Variants in TFRC observed in about 807,000 individuals in gnomAD.
The protein encoded by TFRC is transferrin receptor protein 1.
A neutral mutation model predicts 85.8 loss-of-function variants in TFRC; 35 were observed. The observed-to-expected ratio is 0.41, with a 90% confidence interval of 0.31 to 0.54. The LOEUF (loss-of-function observed/expected upper bound fraction) is 0.54, where lower values mean the gene tolerates loss of function less well. Among genes scored for constraint, TFRC ranks in the 20% least tolerant of loss-of-function variants. The pLI, the probability that TFRC is intolerant of heterozygous loss-of-function variation, is 0.31. For synonymous variants in TFRC, 362 were observed against 328.6 expected (o/e 1.10, Z -1.10); for missense variants, 828 against 921.5 (o/e 0.90, Z 1.31).
At chr3:196,071,271 G>C (rs1359061308) in intron 6 of TFRC, 125 bp downstream of exon 6, 21 of 904,778 alleles carry the variant, frequency 2.3e-5, no homozygotes, top group Non-Finnish European at 1.4e-5. Flanking sequence ...TTAGAGGGTT[G>C]AAAACCAAAA....
intron 11 of TFRC, 68 bp downstream of exon 11, chr3:196,064,241 G>A (rs1577232395): frequency 6.8e-7 from 1 of 1,464,344 alleles, no homozygotes. Flanking sequence ...AGTGAGCAAA[G>A]CACAGTATAA....
chr3:196,063,821 G>A (rs746862675), intron 11 of TFRC, among the ~76,000 whole-genome samples: 8 of 152,172 alleles, frequency 5.3e-5, no homozygotes, highest in Non-Finnish European at 1.0e-4. Context: ...GGAGGCTGAG[G>A]CAGGAGAATT....
chr3:196,051,208 G>A lies in TFRC; in HGVS notation c.*734C>T. 2 of 217,298 alleles carry A rather than the reference G, an allele frequency of 9.2e-6. No homozygotes were observed. The highest frequency in any genetic ancestry group is 1.4e-4 in the East Asian group (2 of 14,600). The allele number at this position is 217,298 out of a possible 1,614,324, so 13.5% of individuals were successfully genotyped here. The stretch of plus-strand genomic sequence containing the variant: ...AACTGGTTCTCTTTCAATGTGCTTT[G>A]GAAGAAACAAAAATAACAAAGAACT... On this transcript the variant is annotated 3_prime_UTR_variant, in exon 19 of 19. Coordinates refer to ENST00000360110, the MANE Select transcript of TFRC (RefSeq NM_001128148.3).
At chr3:196,061,213 C>G (rs1319573107) in intron 13 of TFRC, among the ~76,000 whole-genome samples, 5 of 152,178 alleles carry the variant, frequency 3.3e-5, no homozygotes. Flanking sequence ...TCAAACTCTT[C>G]TAGAAGTTTC....
chr3:196,063,341 T>G (rs908341089), intron 11 of TFRC: 3 of 153,534 alleles, frequency 2.0e-5, no homozygotes, highest in African/African-American at 7.2e-5. Flanking sequence ...ATCCAAACAT[T>G]GGATTTTTAA....
intron 14 of TFRC, among the ~76,000 whole-genome samples, chr3:196,059,396 A>G (rs977509056): frequency 1.3e-5 from 2 of 152,292 alleles, no homozygotes; most frequent in African/African-American, 4.8e-5. Flanking sequence ...TGGGCTTCAC[A>G]CTATGCCTAT....
Position 196,065,415 on chromosome 3 carries a change from GGC to G in TFRC, c.1198+26_1198+27del, listed in dbSNP as rs1717637372. The G allele has an allele frequency of 1.9e-5, 14 of 746,672 alleles. No homozygotes were observed. The East Asian group carries it at 2.8e-4, about 15-fold the overall frequency. 46.3% of individuals were successfully genotyped at this position (746,672 alleles called of 1,614,324 possible). A position where few individuals can be genotyped will look rare whatever the true frequency, so the allele number is the denominator to read the frequency against. On this transcript the variant is annotated intron_variant, in intron 10 of 18. Coordinates refer to ENST00000360110, the MANE Select transcript of TFRC (RefSeq NM_001128148.3). ...AGAAAAGAAAACAAAAAAAAAGCGG[GGC>G]GGGGGGGGGGGGGGGCGGTCTTTAC... is the stretch of plus-strand genomic sequence containing the variant.
At chr3:196,052,237 AAAC>A (rs1360557927) in intron 18 of TFRC, 53 bp from the exon 19 acceptor site, 76 of 1,570,898 alleles carry the variant, frequency 4.8e-5, no homozygotes, top group African/African-American at 1.6e-4. Flanking sequence ...TTTTGTAGTA[AAAC>A]AACAGTTCAC....
At chr3:196,067,681 A>C in intron 8 of TFRC, 24 bp from the exon 9 acceptor site, 3 of 1,609,382 alleles carry the variant, frequency 1.9e-6, no homozygotes, top group Non-Finnish European at 2.5e-6. Context: ...AGAGCAATTC[A>C]CTCCATCACA....
intron 6 of TFRC, among the ~76,000 whole-genome samples, chr3:196,070,422 G>A (rs932931434): frequency 2.0e-5 from 3 of 151,928 alleles, no homozygotes; most frequent in Admixed American, 1.3e-4. Flanking sequence ...CCACCACCAC[G>A]CCTGGCTAAT....
chr3:196,075,436 T>A, intron 2 of TFRC, 76 bp from the exon 3 acceptor site: 1 of 1,395,704 alleles, frequency 7.2e-7, no homozygotes, highest in Non-Finnish European at 1.0e-6. Flanking sequence ...TATATGCTTG[T>A]TATTGGGCCA....
intron 6 of TFRC, among the ~76,000 whole-genome samples, chr3:196,071,048 G>C (rs1214012932): frequency 6.6e-6 from 1 of 152,172 alleles, no homozygotes; most frequent in Non-Finnish European, 1.5e-5. Context: ...ATATGCATTT[G>C]TTTAGCAAAT....
chr3:196,052,292 CTTTTTTTTTTTTT>C, intron 18 of TFRC, 108 bp from the exon 19 acceptor site: 1 of 546,024 alleles, frequency 1.8e-6, no homozygotes, highest in South Asian at 2.2e-5. Context: ...GCCGATCAGA[CTTTTTTTTTTTTT>C]TTTTTTTTTT....
chr3:196,060,320 A>G (rs1717165099), intron 13 of TFRC, 73 bp from the exon 14 acceptor site: 1 of 1,258,872 alleles, frequency 7.9e-7, no homozygotes, highest in Non-Finnish European at 1.1e-6. Context: ...CTACAACTAT[A>G]AGTACTTGAC....
chr3:196,080,704 C>T (rs570277256), intron 1 of TFRC, among the ~76,000 whole-genome samples: 61 of 152,324 alleles, frequency 4.0e-4, no homozygotes, highest in East Asian at 1.9e-4. Flanking sequence ...GGTTTACAGC[C>T]ACCATTACTT....
intron 3 of TFRC, 143 bp from the exon 4 acceptor site, chr3:196,074,268 G>A: frequency 1.5e-6 from 1 of 680,032 alleles, no homozygotes; most frequent in South Asian, 2.3e-5. Context: ...ATGCATCTCA[G>A]TTTTGTATAC....
At chr3:196,066,683 G>A (rs531776470) in intron 9 of TFRC, among the ~76,000 whole-genome samples, 1 of 152,242 alleles carries the variant, frequency 6.6e-6, no homozygotes, top group Admixed American at 6.5e-5. Context: ...GTTATCAATA[G>A]TCATGGTATG....
At position 196,077,748 on chromosome 3, in the gene TFRC, G is replaced by A. The variant is rs41300421; in HGVS notation, c.-23-626C>T. On this transcript the variant is annotated intron_variant, in intron 1 of 18. Coordinates refer to ENST00000360110, the MANE Select transcript of TFRC (RefSeq NM_001128148.3). ...GCCTGGAAAACAAGAGCAAAACTCTGTCTCAAAAAAAAAAGAAAGTGACAC... is the reference window on the plus strand; with the variant it reads ...GCCTGGAAAACAAGAGCAAAACTCTATCTCAAAAAAAAAAGAAAGTGACAC... 8.3e-3 allele frequency among the ~76,000 whole-genome samples: 1,256 copies of A among 151,558 alleles called. 20 individuals are homozygous for A. Among genetic ancestry groups the A allele is most frequent in the African/African-American group, 0.029 (1,218 of 41,296 alleles).
At chr3:196,064,503 T>C in intron 10 of TFRC, 75 bp from the exon 11 acceptor site, 3 of 1,427,448 alleles carry the variant, frequency 2.1e-6, no homozygotes, top group Admixed American at 2.5e-5. Context: ...AGCACATCAG[T>C]AGAAAGGTAA....
Sources: allele counts gnomAD v4.1 joint callset (sites outside exome capture counted in the v4.1 genomes callset), GRCh38; gene constraint gnomAD v4.1.1; transcripts MANE v1.5; gene names NCBI Gene and HGNC (gene_info 2026-07-23, HGNC 2026-07-21).